DNAH14: variants seen among roughly 807,000 people sequenced by gnomAD.
DNAH14 encodes the protein dynein axonemal heavy chain 14.
In DNAH14, 478 loss-of-function variants were observed where a neutral mutation model predicts 520.9. The ratio of observed to expected loss-of-function variants is 0.92; its 90% CI spans 0.85 to 0.99. DNAH14 has a LOEUF of 0.99. Ranked by LOEUF, DNAH14 falls within the 50% of genes least tolerant of loss-of-function variation. The pLI is 0.00. For missense variants in DNAH14, 4,831 were observed against 5,234.5 expected (o/e 0.92, Z 2.38); for synonymous variants, 1,581 against 1,757.2 (o/e 0.90, Z 2.51).
chr1:225,236,288 A>G (rs964532823), intron 42 of DNAH14, among the ~76,000 whole-genome samples: 8 of 152,124 alleles, frequency 5.3e-5, no homozygotes, highest in African/African-American at 1.9e-4. Flanking sequence ...TATTTACCCA[A>G]GAGTCATTGA....
intron 35 of DNAH14, among the ~76,000 whole-genome samples, chr1:225,163,464 T>A (rs1374957346): frequency 6.6e-6 from 1 of 152,222 alleles, no homozygotes; most frequent in Non-Finnish European, 1.5e-5. Context: ...TTTCTGTTTT[T>A]CCCAATTTAG....
rs200749774 is a variant in DNAH14 at position 225,117,861 on chromosome 1, CATTT to C, written c.3973-19_3973-16del. On this transcript the variant is annotated splice_polypyrimidine_tract_variant and intron_variant, in intron 24 of 85. Transcript: ENST00000682510. ...GATCACAATTCAATAATATTACTGA[CATTT>C]GTTTCTGGTTCACAGCCTCATCTTG... The C allele has an allele frequency of 3.7e-5, 56 of 1,522,638 alleles. No individual in the cohort carries two copies. In the East Asian group the frequency reaches 1.0e-3, roughly 27 times the overall value. 94.3% of individuals were successfully genotyped at this position (1,522,638 alleles called of 1,614,324 possible).
At chr1:225,159,157 T>G (rs1013017580) in intron 34 of DNAH14, among the ~76,000 whole-genome samples, 157 bp from the exon 35 acceptor site, 4 of 152,168 alleles carry the variant, frequency 2.6e-5, no homozygotes, top group African/African-American at 9.7e-5. Flanking sequence ...GGGGATCTGA[T>G]TAATTCCACC....
chr1:225,394,278 G>C (rs542078994), intron 84 of DNAH14, among the ~76,000 whole-genome samples: 1 of 152,180 alleles, frequency 6.6e-6, no homozygotes, highest in African/African-American at 2.4e-5. Context: ...AGAAGTTCTT[G>C]TGTATTCTGA....
intron 11 of DNAH14, among the ~76,000 whole-genome samples, chr1:225,027,773 A>G (rs1472541440): frequency 6.6e-6 from 1 of 152,136 alleles, no homozygotes; most frequent in African/African-American, 2.4e-5. Flanking sequence ...ACAATTCGGC[A>G]TGAGATTTGG....
At chr1:224,953,285 G>A (rs937673568) in intron 2 of DNAH14, among the ~76,000 whole-genome samples, 1 of 151,898 alleles carries the variant, frequency 6.6e-6, no homozygotes, top group Admixed American at 6.6e-5. Flanking sequence ...ACCACACCTG[G>A]CTAATTTTTT....
At chr1:225,271,867 A>G in intron 50 of DNAH14, 39 bp from the exon 51 acceptor site, 1 of 1,520,686 alleles carries the variant, frequency 6.6e-7, no homozygotes, top group Non-Finnish European at 8.8e-7. Flanking sequence ...CTATACCTCA[A>G]ATTTTTGGCA....
At chr1:225,018,316 C>T (rs906410557) in intron 10 of DNAH14, among the ~76,000 whole-genome samples, 8 of 152,098 alleles carry the variant, frequency 5.3e-5, no homozygotes, top group African/African-American at 1.9e-4. Context: ...TGGAAGATTG[C>T]TCACTTGAAG....
At chr1:225,331,318 A>C in intron 64 of DNAH14, 119 bp from the exon 65 acceptor site, 1 of 985,214 alleles carries the variant, frequency 1.0e-6, no homozygotes, top group South Asian at 1.9e-5. Flanking sequence ...CCCTCCAGAA[A>C]GATTTTCCAG....
intron 56 of DNAH14, among the ~76,000 whole-genome samples, chr1:225,302,335 T>C (rs2094154937): frequency 6.6e-6 from 1 of 152,116 alleles, no homozygotes; most frequent in Non-Finnish European, 1.5e-5. Flanking sequence ...ACTGAGCAGT[T>C]TTATTTGCCT....
At chr1:225,210,183 AGG>A (rs2088181648) in intron 41 of DNAH14, among the ~76,000 whole-genome samples, 1 of 151,986 alleles carries the variant, frequency 6.6e-6, no homozygotes, top group Non-Finnish European at 1.5e-5. Context: ...CCTGGAAAGG[AGG>A]CTGAAACCAG....
At chr1:225,337,017 A>G (rs1397126654) in intron 66 of DNAH14, among the ~76,000 whole-genome samples, 8 of 152,110 alleles carry the variant, frequency 5.3e-5, no homozygotes, top group Non-Finnish European at 1.0e-4. Context: ...TGTGTCCCCT[A>G]TGGCATCTTT....
At position 225,085,424 on chromosome 1, in the gene DNAH14, G is replaced by A. The variant is rs1322540414; in HGVS notation, c.3328-120G>A. The A allele has an allele frequency of 1.3e-5, 12 of 906,460 alleles. No homozygotes were observed. The East Asian group carries it at 3.2e-4, about 24-fold the overall frequency. The allele number at this position is 906,460 out of a possible 1,614,324, so 56.2% of individuals were successfully genotyped here. A position where few individuals can be genotyped will look rare whatever the true frequency, so the allele number is the denominator to read the frequency against. ...TGCTGGTAAGGATATAAACCTAACT[G>A]GAATTAGATCTTCAATATTTTTGAT... On this transcript the variant is annotated intron_variant, in intron 20 of 85. Coordinates refer to ENST00000682510, the MANE Select transcript of DNAH14 (RefSeq NM_001367479.1).
chr1:225,086,120 A>G (rs2148620614), intron 21 of DNAH14, among the ~76,000 whole-genome samples: 1 of 150,664 alleles, frequency 6.6e-6, no homozygotes, highest in Admixed American at 6.6e-5. Flanking sequence ...AATACACCTA[A>G]TAATAATAAT....
chr1:225,381,723 C>G lies in DNAH14; in HGVS notation c.13077+144C>G, dbSNP rs1042693869. The G allele has an allele frequency of 3.1e-5, 23 of 736,772 alleles. No homozygotes were observed. The African/African-American group carries it at 3.7e-4, about 12-fold the overall frequency. The allele number at this position is 736,772 out of a possible 1,614,324, so 45.6% of individuals were successfully genotyped here. On this transcript the variant is annotated intron_variant, in intron 81 of 85. Transcript: ENST00000682510. ...GCTGACGTACTTTTTCATATTTTCACATCTCTGAAGTTGGAATGCCTCTTA... is the reference window on the plus strand; with the variant it reads ...GCTGACGTACTTTTTCATATTTTCAGATCTCTGAAGTTGGAATGCCTCTTA...
intron 18 of DNAH14, among the ~76,000 whole-genome samples, 180 bp downstream of exon 18, chr1:225,079,728 C>T (rs1197935717): frequency 7.7e-6 from 1 of 129,384 alleles, no homozygotes; most frequent in Non-Finnish European, 1.5e-5. Flanking sequence ...GGCTGGACTG[C>T]AGTGGCGCAA....
chr1:225,306,786 T>C (rs2094253552), intron 58 of DNAH14, among the ~76,000 whole-genome samples: 1 of 152,004 alleles, frequency 6.6e-6, no homozygotes, highest in Admixed American at 6.6e-5. Flanking sequence ...TCACCTTATA[T>C]GCATAATCAT....
chr1:225,398,708 C>T lies in DNAH14; in HGVS notation c.13638+42C>T, dbSNP rs185442821. On this transcript the variant is annotated intron_variant, in intron 85 of 85. Transcript: ENST00000682510. ...TATCCTGAAGTCCTAAACCTCTGAG[C>T]GTTGCTTCAGTAATATACAAACCAC... 975 of 1,544,588 alleles carry T rather than the reference C, an allele frequency of 6.3e-4. 6 individuals carry two copies. In the African/African-American group the frequency reaches 0.012, roughly 19 times the overall value.
At chr1:225,343,876 A>G (rs2095242320) in intron 69 of DNAH14, among the ~76,000 whole-genome samples, 1 of 152,156 alleles carries the variant, frequency 6.6e-6, no homozygotes, top group Non-Finnish European at 1.5e-5. Context: ...GAAGGTGACA[A>G]TCAAGATTCA....
Sources: allele counts gnomAD v4.1 joint callset (sites outside exome capture counted in the v4.1 genomes callset), GRCh38; gene constraint gnomAD v4.1.1; transcripts MANE v1.5; gene names NCBI Gene and HGNC (gene_info 2026-07-23, HGNC 2026-07-21).